LRMDA: variants seen among roughly 807,000 people sequenced by gnomAD.
The protein encoded by LRMDA is leucine-rich melanocyte differentiation-associated protein.
LRMDA carries 18 observed loss-of-function variants against 29.8 expected under a neutral mutation model. The observed-to-expected ratio is 0.60, with a 90% CI of 0.42 to 0.90. The LOEUF (loss-of-function observed/expected upper bound fraction) is 0.90. Ranked by LOEUF, LRMDA falls within the 40% of genes least tolerant of loss-of-function variation. The pLI is 0.00. For synonymous variants in LRMDA, 125 were observed against 109.4 expected (o/e 1.14, Z -0.89); for missense variants, 273 against 273.9 (o/e 1.00, Z 0.02).
At chr10:75,872,497 G>A (rs1198646351) in intron 2 of LRMDA, among the ~76,000 whole-genome samples, 2 of 151,886 alleles carry the variant, frequency 1.3e-5, no homozygotes, top group Non-Finnish European at 2.9e-5. Context: ...GTAGAGATGG[G>A]GTTTCACTAT....
chr10:75,785,594 A>G lies in LRMDA; in HGVS notation c.132-250414A>G, dbSNP rs1397821637. ...TAGATTCGTTCCTGATTCCATCCTT[A>G]TTAGATAAAGCGTGGCCTGTGTTAT... On this transcript the variant is annotated intron_variant, in intron 2 of 6. Transcript: ENST00000611255. 2.0e-5 allele frequency among the ~76,000 whole-genome samples: 3 copies of G among 152,178 alleles called. No homozygotes were observed. In the East Asian group the frequency reaches 5.8e-4, roughly 29 times the overall value.
chr10:75,806,149 C>A (rs1052482266), intron 2 of LRMDA, among the ~76,000 whole-genome samples: 16 of 152,148 alleles, frequency 1.1e-4, no homozygotes, highest in African/African-American at 3.9e-4. Context: ...ATAACTCTTA[C>A]TCACTTTTGA....
intron 5 of LRMDA, among the ~76,000 whole-genome samples, chr10:76,074,680 A>G (rs1411308703): frequency 1.3e-5 from 2 of 152,178 alleles, no homozygotes; most frequent in South Asian, 2.1e-4. Context: ...AGATTTTCCT[A>G]TCATGTCTGT....
chr10:75,858,619 C>T (rs1477178228), intron 2 of LRMDA, among the ~76,000 whole-genome samples: 2 of 151,998 alleles, frequency 1.3e-5, no homozygotes, highest in Admixed American at 6.6e-5. Context: ...ATTGTTTTTA[C>T]TTCCCATCCC....
Position 76,186,885 on chromosome 10 carries a change from T to C in LRMDA, c.516+128102T>C, listed in dbSNP as rs953547995. ...GAATTTCAGCTCACTGAATTAGACTTATGTTCCATGGACCAGTTGGTCTTT... is the reference window on the plus strand; with the variant it reads ...GAATTTCAGCTCACTGAATTAGACTCATGTTCCATGGACCAGTTGGTCTTT... On this transcript the variant is annotated intron_variant, in intron 5 of 6. Coordinates refer to ENST00000611255, the MANE Select transcript of LRMDA (RefSeq NM_001305581.2). Among the ~76,000 whole-genome samples the C allele has an allele frequency of 3.9e-5, 6 of 152,226 alleles. No homozygotes were observed. In the East Asian group the frequency reaches 1.2e-3, roughly 29 times the overall value.
chr10:76,347,257 A>G (rs994124621), intron 6 of LRMDA, among the ~76,000 whole-genome samples: 1 of 152,118 alleles, frequency 6.6e-6, no homozygotes, highest in Non-Finnish European at 1.5e-5. Context: ...TCTATTTGTC[A>G]TCCTAAAAAT....
At chr10:76,212,652 A>T (rs1026794401) in intron 5 of LRMDA, among the ~76,000 whole-genome samples, 13 of 152,226 alleles carry the variant, frequency 8.5e-5, no homozygotes, top group African/African-American at 3.1e-4. Context: ...ATCTTATTGC[A>T]AGTGGATGCA....
chr10:76,491,632 T>C (rs966555693), intron 6 of LRMDA, among the ~76,000 whole-genome samples: 1 of 152,038 alleles, frequency 6.6e-6, no homozygotes, highest in South Asian at 2.1e-4. Context: ...GGGGGTTTGA[T>C]TATTAAATGT....
At chr10:75,482,680 G>A (rs78851678) in intron 2 of LRMDA, among the ~76,000 whole-genome samples, 1,642 of 152,200 alleles carry the variant, frequency 0.011, 34 homozygotes, top group African/African-American at 0.038. Flanking sequence ...TGTCCCTATC[G>A]TAGGAGTTTA....
chr10:75,632,958 G>A (rs1015126043), intron 2 of LRMDA, among the ~76,000 whole-genome samples: 9 of 151,876 alleles, frequency 5.9e-5, no homozygotes, highest in Admixed American at 5.9e-4. Flanking sequence ...TCCTCCCTGT[G>A]GGTTAAGGGA....
intron 2 of LRMDA, among the ~76,000 whole-genome samples, chr10:75,543,073 G>C (rs1840036876): frequency 2.0e-5 from 3 of 152,218 alleles, no homozygotes; most frequent in African/African-American, 7.2e-5. Flanking sequence ...GGTAGTAATT[G>C]ATAGCAGGCT....
intron 2 of LRMDA, among the ~76,000 whole-genome samples, chr10:76,004,400 T>C (rs1209488613): frequency 6.6e-6 from 1 of 152,214 alleles, no homozygotes; most frequent in African/African-American, 2.4e-5. Flanking sequence ...TGAATCACAG[T>C]TTCTTGCTTA....
chr10:75,773,099 T>G (rs1374685624), intron 2 of LRMDA, among the ~76,000 whole-genome samples: 10 of 152,166 alleles, frequency 6.6e-5, no homozygotes, highest in Admixed American at 5.9e-4. Context: ...ACATTTTAGG[T>G]AGAAAATTGT....
intron 5 of LRMDA, among the ~76,000 whole-genome samples, chr10:76,129,230 A>AC (rs979299763): frequency 2.0e-5 from 3 of 151,942 alleles, no homozygotes; most frequent in African/African-American, 7.2e-5. Flanking sequence ...GTGGGCTGAT[A>AC]CCCCCTTCAC....
chr10:76,384,211 TA>T (rs1250788690), intron 6 of LRMDA, among the ~76,000 whole-genome samples: 1 of 152,190 alleles, frequency 6.6e-6, no homozygotes. Context: ...TTTTTCATAT[TA>T]AAAAACATGC....
chr10:75,761,808 G>GT (rs1302346924), intron 2 of LRMDA, among the ~76,000 whole-genome samples: 3,845 of 119,822 alleles, frequency 0.032, 110 homozygotes, highest in East Asian at 0.13. Context: ...TTTTTTTTTT[G>GT]TTTTTTTTTT....
chr10:76,465,480 C>T (rs530192308), intron 6 of LRMDA, among the ~76,000 whole-genome samples: 1 of 152,244 alleles, frequency 6.6e-6, no homozygotes, highest in African/African-American at 2.4e-5. Flanking sequence ...GCACTATCCA[C>T]AGTGACCCAT....
chr10:76,324,593 G>A, intron 6 of LRMDA, 108 bp downstream of exon 6: 1 of 931,618 alleles, frequency 1.1e-6, no homozygotes, highest in East Asian at 2.5e-5. Flanking sequence ...AGAACACAGT[G>A]CTTTTTAAGT....
intron 2 of LRMDA, among the ~76,000 whole-genome samples, chr10:75,727,620 G>C (rs1441315904): frequency 1.3e-5 from 2 of 152,044 alleles, no homozygotes; most frequent in Non-Finnish European, 2.9e-5. Context: ...TCTTTAACGT[G>C]ACAATGCAAA....
Sources: allele counts gnomAD v4.1 joint callset (sites outside exome capture counted in the v4.1 genomes callset), GRCh38; gene constraint gnomAD v4.1.1; transcripts MANE v1.5; gene names NCBI Gene and HGNC (gene_info 2026-07-23, HGNC 2026-07-21).